Variants in MYO5B observed in about 807,000 individuals in gnomAD.
The protein encoded by MYO5B is myosin VB, also known as unconventional myosin-Vb.
Under a neutral mutation model 229.3 loss-of-function variants are expected in MYO5B, and 143 were observed. The observed-to-expected ratio is 0.62, with a 90% CI of 0.54 to 0.72. MYO5B has a LOEUF of 0.72. Among genes scored for constraint, MYO5B ranks in the 30% least tolerant of loss-of-function variants. The probability of loss-of-function intolerance (pLI) is 0.00; values close to 1 mark genes in which losing one functional copy is unlikely to be tolerated. For synonymous variants in MYO5B, 918 were observed against 885.2 expected (o/e 1.04, Z -0.66); for missense variants, 2,321 against 2,331.0 (o/e 1.00, Z 0.09).
chr18:49,852,061 C>CAGAG (rs538939476), intron 31 of MYO5B, among the ~76,000 whole-genome samples: 114 of 152,340 alleles, frequency 7.5e-4, no homozygotes, highest in African/African-American at 2.6e-3. Context: ...ACCACCCCAG[C>CAGAG]AGAGGGGCCC....
intron 8 of MYO5B, among the ~76,000 whole-genome samples, chr18:49,983,463 G>C (rs746244035): frequency 6.6e-6 from 1 of 152,106 alleles, no homozygotes; most frequent in Non-Finnish European, 1.5e-5. Context: ...TGCATCCTCT[G>C]GGCAAGTTTC....
intron 2 of MYO5B, among the ~76,000 whole-genome samples, chr18:50,050,739 A>T (rs1431476328): frequency 1.3e-5 from 2 of 152,176 alleles, no homozygotes; most frequent in East Asian, 3.8e-4. Flanking sequence ...CTTGAGGTTC[A>T]TGGGTTGTAA....
rs575168723 is a variant in MYO5B at position 50,147,315 on chromosome 18, T to C, written c.27+47452A>G. Among the ~76,000 whole-genome samples the C allele has an allele frequency of 3.9e-5, 6 of 152,292 alleles. No homozygotes were observed. The East Asian group carries it at 5.8e-4, about 15-fold the overall frequency. On this transcript the variant is annotated intron_variant, in intron 1 of 39. Coordinates refer to ENST00000285039, the MANE Select transcript of MYO5B (RefSeq NM_001080467.3). ...GCCACACCCAGTGAGTCTGAAGGTC[T>C]TTCTGGAACCTCTCTCCCAAAGCAG...
At chr18:49,910,605 G>A (rs537782676) in intron 18 of MYO5B, among the ~76,000 whole-genome samples, 1 of 151,796 alleles carries the variant, frequency 6.6e-6, no homozygotes, top group East Asian at 1.9e-4. Context: ...AGGTGGGCTA[G>A]TATTTAGGCT....
intron 39 of MYO5B, 131 bp from the exon 40 acceptor site, chr18:49,826,754 AG>A (rs2023852030): frequency 9.0e-7 from 1 of 1,112,698 alleles, no homozygotes; most frequent in Non-Finnish European, 1.3e-6. Flanking sequence ...CTTCAGGACT[AG>A]GAGAATGTGA....
chr18:49,834,681 C>T (rs1251691132), intron 39 of MYO5B, among the ~76,000 whole-genome samples: 1 of 152,130 alleles, frequency 6.6e-6, no homozygotes. Context: ...CTCTGTCGCC[C>T]AGGCTGGAGT....
At position 49,837,717 on chromosome 18, in the gene MYO5B, T is replaced by G; in HGVS notation, c.4938A>C (p.Ala1646=). ...TGYRKRSSSM[A]DGDNSYCLEA... is the part of the protein sequence containing the mutation. Reference sequence around the variant, plus strand: ...CCAGGCAGTATGAGTTATCCCCATCTGCCATGCTGGAGGAGCGCTTCCGGT... The same window carrying G: ...CCAGGCAGTATGAGTTATCCCCATCGGCCATGCTGGAGGAGCGCTTCCGGT... Residue 1646 remains alanine (A), a synonymous_variant, in exon 37 of 40, where the codon GCA becomes GCC. Transcript: ENST00000285039. 3 of 1,614,218 alleles carry G rather than the reference T, an allele frequency of 1.9e-6. No individual in the cohort carries two copies. The highest frequency in any genetic ancestry group is 2.5e-6 in the Non-Finnish European group (3 of 1,180,020).
chr18:49,902,953 C>G, intron 20 of MYO5B, 120 bp from the exon 21 acceptor site: 2 of 1,264,060 alleles, frequency 1.6e-6, no homozygotes, highest in Non-Finnish European at 2.2e-6. Flanking sequence ...AGGAGTTACA[C>G]AGACAATGTG....
intron 2 of MYO5B, 38 bp downstream of exon 2, chr18:50,055,230 A>AAC: frequency 2.3e-5 from 6 of 258,418 alleles, no homozygotes; most frequent in Non-Finnish European, 3.0e-5. Context: ...TCCCTGCCCC[A>AAC]CCTCACCCCC....
intron 14 of MYO5B, among the ~76,000 whole-genome samples, chr18:49,944,912 A>C (rs1398282446): frequency 6.6e-6 from 1 of 152,132 alleles, no homozygotes; most frequent in Non-Finnish European, 1.5e-5. Flanking sequence ...ATGCTGCTGA[A>C]ATGTACCTTG....
At chr18:49,864,410 T>C in intron 27 of MYO5B, 30 bp from the exon 28 acceptor site, 3 of 1,611,246 alleles carry the variant, frequency 1.9e-6, no homozygotes, top group Non-Finnish European at 2.5e-6. Flanking sequence ...CCGCTGCCAT[T>C]ACTCCCTGCC....
intron 2 of MYO5B, among the ~76,000 whole-genome samples, chr18:50,045,803 T>C (rs903714278): frequency 1.6e-4 from 25 of 152,304 alleles, no homozygotes; most frequent in African/African-American, 6.0e-4. Flanking sequence ...CCACAGCCAA[T>C]GTTCTATTGG....
At chr18:49,830,852 A>AC (rs1491177866) in intron 39 of MYO5B, among the ~76,000 whole-genome samples, 2 of 145,530 alleles carry the variant, frequency 1.4e-5, no homozygotes, top group Non-Finnish European at 3.0e-5. Context: ...AAAAAAAAAA[A>AC]GGAAAACAAA....
In MYO5B at chr18:50,001,254, C is replaced by T; in HGVS notation, c.612+1G>A. ...AGGCCAGGACACCTAGAAGGCTTTACCTCCATGATGGGACTGGATGCCAGC... is the reference window on the plus strand; with the variant it reads ...AGGCCAGGACACCTAGAAGGCTTTATCTCCATGATGGGACTGGATGCCAGC... On this transcript the variant is annotated splice_donor_variant, in intron 5 of 39. Transcript: ENST00000285039. LOFTEE classifies it high-confidence loss of function. 1.2e-6 allele frequency: 2 copies of T among 1,614,176 alleles called. No homozygotes were observed. Among genetic ancestry groups the T allele is most frequent in the Non-Finnish European group, 1.7e-6 (2 of 1,179,998 alleles).
chr18:49,855,403 G>A (rs970640156), intron 30 of MYO5B, among the ~76,000 whole-genome samples: 2 of 152,212 alleles, frequency 1.3e-5, no homozygotes, highest in East Asian at 3.8e-4. Flanking sequence ...TCATAGGTCT[G>A]TGCTTTATTA....
At chr18:49,958,261 T>C (rs1369450377) in intron 12 of MYO5B, among the ~76,000 whole-genome samples, 1 of 152,236 alleles carries the variant, frequency 6.6e-6, no homozygotes, top group Admixed American at 6.5e-5. Flanking sequence ...ACACTGTTCC[T>C]AGATCTATGG....
intron 14 of MYO5B, among the ~76,000 whole-genome samples, chr18:49,941,231 A>C (rs945889682): frequency 6.6e-6 from 1 of 152,186 alleles, no homozygotes; most frequent in Non-Finnish European, 1.5e-5. Context: ...CTTGCATGCA[A>C]ATAAAAGTTG....
At chr18:49,869,357 A>C (rs922554717) in intron 27 of MYO5B, among the ~76,000 whole-genome samples, 4 of 152,194 alleles carry the variant, frequency 2.6e-5, no homozygotes, top group Non-Finnish European at 5.9e-5. Flanking sequence ...CCTCTTCAAC[A>C]TGAGTGCTTC....
intron 2 of MYO5B, among the ~76,000 whole-genome samples, chr18:50,048,339 TAA>T (rs1439575296): frequency 2.0e-5 from 3 of 152,310 alleles, no homozygotes; most frequent in African/African-American, 7.2e-5. Context: ...GAAATTCAGT[TAA>T]GTTATGAGGA....
Sources: allele counts gnomAD v4.1 joint callset (sites outside exome capture counted in the v4.1 genomes callset), GRCh38; gene constraint gnomAD v4.1.1; transcripts MANE v1.5; gene names NCBI Gene and HGNC (gene_info 2026-07-23, HGNC 2026-07-21).